The following AUTS2 variants were observed in gnomAD, a reference collection of about 807,000 sequenced individuals.
AUTS2 encodes autism susceptibility gene 2 protein.
AUTS2 carries 17 observed loss-of-function variants against 112.4 expected under a neutral mutation model. That is an observed-to-expected ratio of 0.15 (90% CI 0.10 to 0.23). The LOEUF (loss-of-function observed/expected upper bound fraction) is 0.23, where lower values mean the gene tolerates loss of function less well. AUTS2 is among the 10% of genes least tolerant of loss of function. The pLI is 1.00. For missense variants in AUTS2, 1,510 were observed against 1,701.6 expected (o/e 0.89, Z 1.98); for synonymous variants, 751 against 702.7 (o/e 1.07, Z -1.09).
chr7:70,454,624 G>T (rs750690385), intron 5 of AUTS2, among the ~76,000 whole-genome samples: 2 of 152,172 alleles, frequency 1.3e-5, no homozygotes, highest in Non-Finnish European at 2.9e-5. Context: ...GCCGGGCACG[G>T]TGACTCACAC....
At chr7:70,197,091 T>G (rs933492068) in intron 4 of AUTS2, among the ~76,000 whole-genome samples, 1 of 152,206 alleles carries the variant, frequency 6.6e-6, no homozygotes, top group Non-Finnish European at 1.5e-5. Context: ...TATATACATT[T>G]GCGACATGTG....
At chr7:70,225,958 C>T (rs1467529097) in intron 4 of AUTS2, among the ~76,000 whole-genome samples, 2 of 152,154 alleles carry the variant, frequency 1.3e-5, no homozygotes, top group African/African-American at 4.8e-5. Flanking sequence ...TCTCCAGCCT[C>T]TGTAAACTGT....
chr7:70,018,270 G>A (rs989273957), intron 2 of AUTS2, among the ~76,000 whole-genome samples: 1 of 149,734 alleles, frequency 6.7e-6, no homozygotes, highest in African/African-American at 2.5e-5. Flanking sequence ...TTCTATATTC[G>A]CTGACTTTTA....
intron 4 of AUTS2, among the ~76,000 whole-genome samples, chr7:70,197,268 C>T (rs1810226346): frequency 6.6e-6 from 1 of 151,116 alleles, no homozygotes; most frequent in Non-Finnish European, 1.5e-5. Context: ...AGTCCACACA[C>T]ACACACACAC....
intron 4 of AUTS2, among the ~76,000 whole-genome samples, chr7:70,157,032 G>A (rs1189523042): frequency 6.7e-6 from 1 of 148,752 alleles, no homozygotes; most frequent in African/African-American, 2.5e-5. Context: ...AGCCAAGATT[G>A]TGCCATTTCA....
intron 5 of AUTS2, among the ~76,000 whole-genome samples, chr7:70,549,809 G>A (rs1020855161): frequency 3.3e-5 from 5 of 152,186 alleles, no homozygotes; most frequent in Admixed American, 1.3e-4. Context: ...GAAACAACAC[G>A]AAGGAGCCCT....
chr7:70,422,549 G>T (rs1795265954), intron 4 of AUTS2, among the ~76,000 whole-genome samples: 1 of 152,094 alleles, frequency 6.6e-6, no homozygotes, highest in South Asian at 2.1e-4. Context: ...GGCTGAGGTG[G>T]GTGGATCACC....
At chr7:69,874,819 C>G (rs542146537) in intron 1 of AUTS2, among the ~76,000 whole-genome samples, 77 of 152,100 alleles carry the variant, frequency 5.1e-4, no homozygotes, top group African/African-American at 1.7e-3. Flanking sequence ...CCACCATGCC[C>G]AGCTATTTTT....
At chr7:70,776,826 A>T in intron 13 of AUTS2, 1 of 476,064 alleles carries the variant, frequency 2.1e-6, no homozygotes, top group South Asian at 2.3e-5. Context: ...AGTGGGATTC[A>T]GGCTTTTGCC....
intron 4 of AUTS2, among the ~76,000 whole-genome samples, chr7:70,358,551 G>A (rs1213736868): frequency 6.6e-6 from 1 of 152,242 alleles, no homozygotes; most frequent in Non-Finnish European, 1.5e-5. Context: ...GCCTGCCCTT[G>A]GGAGGATGGC....
At chr7:70,498,115 A>G (rs1346571604) in intron 5 of AUTS2, among the ~76,000 whole-genome samples, 1 of 152,166 alleles carries the variant, frequency 6.6e-6, no homozygotes, top group African/African-American at 2.4e-5. Flanking sequence ...TGACATTGGA[A>G]CAAAGATTTG....
chr7:69,884,663 C>T (rs1267064491), intron 1 of AUTS2, among the ~76,000 whole-genome samples: 1 of 152,150 alleles, frequency 6.6e-6, no homozygotes, highest in Non-Finnish European at 1.5e-5. Flanking sequence ...AAGCTTTGGC[C>T]TAGAGACAAG....
chr7:69,898,381 A>G (rs917973820), intron 1 of AUTS2, among the ~76,000 whole-genome samples: 4 of 152,086 alleles, frequency 2.6e-5, no homozygotes, highest in Non-Finnish European at 5.9e-5. Flanking sequence ...AGGGCAGAGG[A>G]TATTTGCATG....
chr7:70,017,768 G>T (rs1800094965), intron 2 of AUTS2, among the ~76,000 whole-genome samples: 1 of 151,212 alleles, frequency 6.6e-6, no homozygotes, highest in South Asian at 2.1e-4. Context: ...GAAACAACCA[G>T]TTATATTGTG....
In AUTS2 at chr7:70,134,525, C is replaced by T. The variant is rs1806446651; in HGVS notation, c.625-11C>T. 4 of 1,613,396 alleles carry T rather than the reference C, an allele frequency of 2.5e-6. No individual in the cohort carries two copies. The highest frequency in any genetic ancestry group is 1.7e-4 in the Middle Eastern group (1 of 6,056). ...CTGATTTTCCACTTTTGTCTTTATG[C>T]TTTATTGCAGAGTTCAGCTCCTTCC... On this transcript the variant is annotated splice_polypyrimidine_tract_variant and intron_variant, in intron 3 of 18. Coordinates refer to ENST00000342771, the MANE Select transcript of AUTS2 (RefSeq NM_015570.4).
At chr7:70,378,302 A>G (rs1335877818) in intron 4 of AUTS2, among the ~76,000 whole-genome samples, 1 of 152,194 alleles carries the variant, frequency 6.6e-6, no homozygotes, top group Non-Finnish European at 1.5e-5. Context: ...TGGCTATTGA[A>G]ATATTTTTGC....
At chr7:69,724,930 CATT>C (rs1786435749) in intron 1 of AUTS2, among the ~76,000 whole-genome samples, 1 of 152,084 alleles carries the variant, frequency 6.6e-6, no homozygotes, top group Non-Finnish European at 1.5e-5. Context: ...ACCTTTATAA[CATT>C]ATATAATAGA....
chr7:70,148,745 G>C (rs541936284), intron 4 of AUTS2, among the ~76,000 whole-genome samples: 2 of 151,870 alleles, frequency 1.3e-5, no homozygotes, highest in African/African-American at 4.8e-5. Flanking sequence ...AACAAAAAAC[G>C]GTGTAAGTGA....
At chr7:69,818,311 G>T (rs1168112267) in intron 1 of AUTS2, among the ~76,000 whole-genome samples, 1 of 152,172 alleles carries the variant, frequency 6.6e-6, no homozygotes, top group Non-Finnish European at 1.5e-5. Flanking sequence ...TGCCAGCCAA[G>T]AGAGTTGTAG....
Sources: gnomAD v4.1 joint callset for allele counts (sites outside exome capture counted in the v4.1 genomes callset) on GRCh38, gnomAD v4.1.1 for gene constraint, MANE v1.5 for transcripts, NCBI Gene and HGNC (gene_info 2026-07-23, HGNC 2026-07-21) for gene names.